The following XXYLT1 variants were observed in gnomAD, a reference collection of about 807,000 sequenced individuals.
XXYLT1 encodes the protein xyloside xylosyltransferase 1, also known as UDP-xylose:alpha-xyloside alpha-1,3-xylosyltransferase.
XXYLT1 carries 20 observed loss-of-function variants against 28.9 expected under a neutral mutation model. The observed-to-expected ratio is 0.69, with a 90% confidence interval of 0.49 to 1.00. The LOEUF is 1.00. XXYLT1 is among the 50% of genes least tolerant of loss of function. The probability of loss-of-function intolerance (pLI) is 0.00; values close to 1 mark genes in which losing one functional copy is unlikely to be tolerated. For synonymous variants in XXYLT1, 257 were observed against 253.8 expected (o/e 1.01, Z -0.12); for missense variants, 542 against 560.1 (o/e 0.97, Z 0.33).
At chr3:195,079,056 AC>A (rs1715282725) in intron 3 of XXYLT1, among the ~76,000 whole-genome samples, 1 of 151,880 alleles carries the variant, frequency 6.6e-6, no homozygotes, top group Non-Finnish European at 1.5e-5. Context: ...GGAAGCTCTG[AC>A]CCCTGCCCCC....
At chr3:195,110,914 TGTGTGTGTG>T (rs143725865) in intron 3 of XXYLT1, among the ~76,000 whole-genome samples, 65,071 of 104,494 alleles carry the variant, frequency 0.62, 20,345 homozygotes, top group Middle Eastern at 0.69. Context: ...GTGTGTGGTG[TGTGTGTGTG>T]GTGTGTGTGA....
In XXYLT1 at chr3:195,195,638, T is replaced by G. The variant is rs1358740520; in HGVS notation, c.652+31071A>C. Among the ~76,000 whole-genome samples, 1 of 152,204 alleles carries G rather than the reference T, an allele frequency of 6.6e-6. No individual in the cohort carries two copies. Among genetic ancestry groups the G allele is most frequent in the Non-Finnish European group, 1.5e-5 (1 of 68,028 alleles). On this transcript the variant is annotated intron_variant, in intron 2 of 3. Transcript: ENST00000310380. This position sits in a 1 kb window ranked among gnomAD's most constrained non-coding sequence, Gnocchi z 4.4. ...TGAATGAAAAGCTTTTGTGCCCTGG[T>G]CCCTTCACTCTGGCAGTTCCCCTAC...
intron 2 of XXYLT1, among the ~76,000 whole-genome samples, chr3:195,169,862 TA>T (rs1721310800): frequency 1.5e-5 from 2 of 132,748 alleles, no homozygotes; most frequent in African/African-American, 6.6e-5. Context: ...CATATATATA[TA>T]TATATATTTT....
chr3:195,088,586 C>A, intron 3 of XXYLT1, among the ~76,000 whole-genome samples: 2 of 117,666 alleles, frequency 1.7e-5, no homozygotes, highest in Admixed American at 9.4e-5. Flanking sequence ...AAAAACAGAA[C>A]AGAAAAACTG....
chr3:195,166,367 G>A (rs1487541513), intron 2 of XXYLT1, among the ~76,000 whole-genome samples: 2 of 152,136 alleles, frequency 1.3e-5, no homozygotes, highest in Non-Finnish European at 2.9e-5. Flanking sequence ...TGACAGAACT[G>A]CAGCTGAGTG....
chr3:195,115,120 A>C lies in XXYLT1; in HGVS notation c.785+41329T>G. Among the ~76,000 whole-genome samples the C allele has an allele frequency of 6.6e-6, 1 of 152,308 alleles. No individual in the cohort carries two copies. The highest frequency in any genetic ancestry group is 1.9e-4 in the East Asian group (1 of 5,192). On this transcript the variant is annotated intron_variant, in intron 3 of 3. Coordinates refer to ENST00000310380, the MANE Select transcript of XXYLT1 (RefSeq NM_152531.5). The surrounding 1 kb of genome is among the most constrained non-coding windows in gnomAD (Gnocchi z 4.2). ...GGAAACTAAGCTTCCCAGATGCCCA[A>C]ACGGCGAGAGCTCGGGACGTGAATC...
chr3:195,224,721 C>T (rs1560161616), intron 2 of XXYLT1, among the ~76,000 whole-genome samples: 1 of 152,102 alleles, frequency 6.6e-6, no homozygotes, highest in Admixed American at 6.5e-5. Context: ...CGTGCCTCCC[C>T]CTGGCTCCCT....
At chr3:195,194,442 A>G (rs1254446602) in intron 2 of XXYLT1, among the ~76,000 whole-genome samples, 1 of 152,080 alleles carries the variant, frequency 6.6e-6, no homozygotes, top group African/African-American at 2.4e-5. Context: ...TTGTGGAAAA[A>G]CTGGAGCCCT....
chr3:195,170,149 C>T (rs1255773678), intron 2 of XXYLT1, among the ~76,000 whole-genome samples: 1 of 151,876 alleles, frequency 6.6e-6, no homozygotes, highest in Non-Finnish European at 1.5e-5. Context: ...CACGCCTGGC[C>T]GTTAATGTAT....
At chr3:195,110,348 G>GTGTGTGGTC (rs1444570941) in intron 3 of XXYLT1, among the ~76,000 whole-genome samples, 20 of 30,930 alleles carry the variant, frequency 6.5e-4, no homozygotes, top group Admixed American at 1.3e-3. Flanking sequence ...TGTGTGTGGT[G>GTGTGTGGTC]TGTGGTGTAT....
At chr3:195,201,840 T>C (rs113058258) in intron 2 of XXYLT1, among the ~76,000 whole-genome samples, 2,541 of 152,088 alleles carry the variant, frequency 0.017, 69 homozygotes, top group African/African-American at 0.056. Flanking sequence ...GCTCCTCTGC[T>C]CCTCCCCTCC....
Position 195,173,118 on chromosome 3 carries a change from G to T in XXYLT1, c.653-16537C>A, listed in dbSNP as rs1179710830. ...ATCCTGGCGTCCTGGTACACATCTT[G>T]CAAGTCCATCAGGAGCTCTGGCTCT... On this transcript the variant is annotated intron_variant, in intron 2 of 3. Transcript: ENST00000310380. The surrounding 1 kb of genome is among the most constrained non-coding windows in gnomAD (Gnocchi z 4.3). Among the ~76,000 whole-genome samples, 1 of 152,180 alleles carries T rather than the reference G, an allele frequency of 6.6e-6. No homozygotes were observed. The highest frequency in any genetic ancestry group is 6.5e-5 in the Admixed American group (1 of 15,276).
At chr3:195,249,500 T>C (rs1046017031) in intron 1 of XXYLT1, among the ~76,000 whole-genome samples, 2 of 152,130 alleles carry the variant, frequency 1.3e-5, no homozygotes, top group Admixed American at 6.5e-5. Context: ...GGCAGCAACG[T>C]AGATGGACAT....
chr3:195,155,489 A>G (rs1003820918), intron 3 of XXYLT1, among the ~76,000 whole-genome samples: 8 of 151,746 alleles, frequency 5.3e-5, no homozygotes, highest in African/African-American at 1.9e-4. Context: ...CCAGGGCCAC[A>G]GGCCTGGTTT....
At chr3:195,109,534 T>C (rs1327494145) in intron 3 of XXYLT1, among the ~76,000 whole-genome samples, 1 of 122,270 alleles carries the variant, frequency 8.2e-6, no homozygotes, top group African/African-American at 2.8e-5. Context: ...GTGTGTGGTG[T>C]ACATGTGTAG....
At chr3:195,075,082 T>G (rs1715038941) in intron 3 of XXYLT1, among the ~76,000 whole-genome samples, 1 of 152,024 alleles carries the variant, frequency 6.6e-6, no homozygotes. Context: ...CAAAACCCCG[T>G]CTCTACTAAA....
chr3:195,229,049 G>A (rs2108805537), intron 1 of XXYLT1, among the ~76,000 whole-genome samples: 1 of 152,074 alleles, frequency 6.6e-6, no homozygotes, highest in East Asian at 1.9e-4. Flanking sequence ...CTGACCTCAG[G>A]TGATCCACCC....
At chr3:195,088,321 C>A (rs911744770) in intron 3 of XXYLT1, among the ~76,000 whole-genome samples, 41 of 149,546 alleles carry the variant, frequency 2.7e-4, no homozygotes, top group Non-Finnish European at 7.5e-5. Flanking sequence ...GTTCTCCCAG[C>A]ACGCAGCTGG....
At chr3:195,263,317 C>T (rs997103943) in intron 1 of XXYLT1, among the ~76,000 whole-genome samples, 4 of 152,146 alleles carry the variant, frequency 2.6e-5, no homozygotes, top group African/African-American at 4.8e-5. Context: ...AAAGTGGATG[C>T]GAAGGTTTAA....
Sources: allele counts gnomAD v4.1 joint callset (sites outside exome capture counted in the v4.1 genomes callset), GRCh38; gene constraint gnomAD v4.1.1; non-coding constraint Gnocchi (gnomAD v3.1); transcripts MANE v1.5; gene names NCBI Gene and HGNC (gene_info 2026-07-23, HGNC 2026-07-21).